Variants in SYNE1 observed in about 807,000 individuals in gnomAD.
SYNE1 encodes nesprin-1.
Under a neutral mutation model 1,111.0 loss-of-function variants are expected in SYNE1, and 616 were observed. That is an observed-to-expected ratio of 0.55 (90% CI 0.52 to 0.59). The LOEUF is 0.59. SYNE1 is among the 20% of genes least tolerant of loss of function. The probability of loss-of-function intolerance (pLI) is 0.00; values close to 1 mark genes in which losing one functional copy is unlikely to be tolerated. For synonymous variants in SYNE1, 3,855 were observed against 3,825.8 expected, an observed-to-expected ratio of 1.01 and a Z score of -0.28; for missense variants, 10,006 against 10,417.0, an observed-to-expected ratio of 0.96 and a Z score of 1.72.
intron 3 of SYNE1, among the ~76,000 whole-genome samples, chr6:152,612,630 TC>T (rs1312165841): frequency 6.6e-6 from 1 of 152,030 alleles, no homozygotes; most frequent in Non-Finnish European, 1.5e-5. Context: ...AAAGAGTGAA[TC>T]CCCCCTAACT....
intron 25 of SYNE1, among the ~76,000 whole-genome samples, chr6:152,452,379 G>A (rs901690015): frequency 1.3e-5 from 2 of 152,114 alleles, no homozygotes; most frequent in Admixed American, 1.3e-4. Context: ...AATATGATAT[G>A]CTTCAAAGAC....
Position 152,213,717 on chromosome 6 carries a change from T to C in SYNE1, c.22389A>G (p.Glu7463=). Residue 7463 remains glutamate (E), a synonymous_variant, in exon 123 of 146, where the codon GAA becomes GAG. Transcript: ENST00000367255. ...GGAATTCCATCCATGTTTCACATTTTTCCAAGAAAGTCTGATGTTGTAGCA... is the reference window on the plus strand; with the variant it reads ...GGAATTCCATCCATGTTTCACATTTCTCCAAGAAAGTCTGATGTTGTAGCA... ...SFLLQHQTFL[E]KCETWMEFLV... 6.2e-7 allele frequency: 1 copy of C among 1,614,162 alleles called. No individual in the cohort carries two copies. The highest frequency in any genetic ancestry group is 1.1e-5 in the South Asian group (1 of 91,086).
chr6:152,141,416 G>A (rs538995859), intron 138 of SYNE1, 87 bp from the exon 139 acceptor site: 1 of 1,567,858 alleles, frequency 6.4e-7, no homozygotes, highest in Non-Finnish European at 8.7e-7. Context: ...TAATTTCTCA[G>A]CAAGAGAAGT....
intron 3 of SYNE1, among the ~76,000 whole-genome samples, chr6:152,592,925 G>C (rs1481916921): frequency 6.6e-6 from 1 of 152,180 alleles, no homozygotes; most frequent in Admixed American, 6.5e-5. Context: ...GCCCTGCAAT[G>C]CAACAGCAGC....
In SYNE1 at chr6:152,637,211, G is replaced by C. The variant is rs1194844433; in HGVS notation, c.-414C>G. On this transcript the variant is annotated 5_prime_UTR_variant, in exon 1 of 146. Coordinates refer to ENST00000367255, the MANE Select transcript of SYNE1 (RefSeq NM_182961.4). ...TACCTCCTGGAGATGCACGGCCTTGGGCGTTTCTCCGCAGCTGCAAAGCTG... is the reference window on the plus strand; with the variant it reads ...TACCTCCTGGAGATGCACGGCCTTGCGCGTTTCTCCGCAGCTGCAAAGCTG... The C allele has an allele frequency of 6.6e-6, 1 of 152,312 alleles. No individual in the cohort carries two copies. The highest frequency in any genetic ancestry group is 1.5e-5 in the Non-Finnish European group (1 of 68,110). The allele number at this position is 152,312 out of a possible 1,614,324, so 9.4% of individuals were successfully genotyped here.
At chr6:152,166,612 T>C (rs1281903545) in intron 130 of SYNE1, among the ~76,000 whole-genome samples, 1 of 151,780 alleles carries the variant, frequency 6.6e-6, no homozygotes, top group Non-Finnish European at 1.5e-5. Flanking sequence ...CAAGTCAGAG[T>C]GGTTAGTATG....
chr6:152,158,498 G>A (rs1471898971), intron 131 of SYNE1, among the ~76,000 whole-genome samples: 1 of 151,782 alleles, frequency 6.6e-6, no homozygotes, highest in Non-Finnish European at 1.5e-5. Flanking sequence ...AATTAATTTT[G>A]GAGATTTTAT....
chr6:152,417,562 A>G (rs2098181705), intron 40 of SYNE1, among the ~76,000 whole-genome samples: 1 of 152,204 alleles, frequency 6.6e-6, no homozygotes, highest in African/African-American at 2.4e-5. Context: ...TAATTCTGTG[A>G]AAAAAATTTC....
chr6:152,385,865 A>C, intron 54 of SYNE1, 27 bp from the exon 55 acceptor site: 1 of 1,612,630 alleles, frequency 6.2e-7, no homozygotes, highest in Non-Finnish European at 8.5e-7. Context: ...AGACTACCTT[A>C]ACAGTGGTCC....
chr6:152,266,590 T>G (rs1254380238), intron 100 of SYNE1, among the ~76,000 whole-genome samples: 1 of 152,184 alleles, frequency 6.6e-6, no homozygotes, highest in Non-Finnish European at 1.5e-5. Context: ...TTTTACAGTT[T>G]TAGGGTTATT....
In SYNE1 at chr6:152,234,808, G is replaced by A. The variant is rs752724360; in HGVS notation, c.20397-8C>T. On this transcript the variant is annotated splice_polypyrimidine_tract_variant and splice_region_variant and intron_variant, in intron 110 of 145. Coordinates refer to ENST00000367255, the MANE Select transcript of SYNE1 (RefSeq NM_182961.4). ...GCAGATTCACTTTGATATCTGTTAA[G>A]TATATTATGGAGTCCATTAAGTAAA... 1.2e-6 allele frequency: 2 copies of A among 1,613,994 alleles called. No homozygotes were observed. The highest frequency in any genetic ancestry group is 2.2e-5 in the East Asian group (1 of 44,874).
intron 17 of SYNE1, 27 bp downstream of exon 17, chr6:152,465,955 T>C (rs2098763986): frequency 6.6e-7 from 1 of 1,517,086 alleles, no homozygotes; most frequent in African/African-American, 1.4e-5. Flanking sequence ...CAGTCTACGT[T>C]GCAACAAATT....
At chr6:152,463,876 C>T (rs1473621956) in intron 18 of SYNE1, among the ~76,000 whole-genome samples, 1 of 152,110 alleles carries the variant, frequency 6.6e-6, no homozygotes, top group Admixed American at 6.6e-5. Flanking sequence ...ATATAAAAGG[C>T]ATAATACATT....
intron 68 of SYNE1, 28 bp downstream of exon 68, chr6:152,353,561 T>G (rs375139595): frequency 7.4e-6 from 12 of 1,614,140 alleles, no homozygotes; most frequent in Non-Finnish European, 1.0e-5. Context: ...TTTGCTGGTC[T>G]ATGCTGAGCA....
chr6:152,155,941 T>C lies in SYNE1; in HGVS notation c.23947A>G (p.Ile7983Val). 1 of 1,614,188 alleles carries C rather than the reference T, an allele frequency of 6.2e-7. No individual in the cohort carries two copies. The highest frequency in any genetic ancestry group is 8.5e-7 in the Non-Finnish European group (1 of 1,180,040). Reference protein sequence around the residue: ...TRNLDRRWRNICAMSMERRLK... With the variant: ...TRNLDRRWRNVCAMSMERRLK... ...CTCCTTTCCATGGACATAGCACAAA[T>C]GTTTCTCCACCGCCGGTCCAGGTTT... The change falls in exon 132 of 146, where the codon ATT becomes GTT. Residue 7983 changes from isoleucine (I) to valine (V), a missense_variant. Around this residue, in one of 7 missense-constraint regions of SYNE1, gnomAD observed 2,182 missense variants for 2,287.8 expected, o/e 0.95. Transcript: ENST00000367255.
Position 152,419,277 on chromosome 6 carries a change from G to A in SYNE1, c.5421+292C>T, listed in dbSNP as rs112225376. Among the ~76,000 whole-genome samples the A allele has an allele frequency of 0.024, 3,699 of 152,204 alleles. 62 individuals carry two copies. Among genetic ancestry groups the A allele is most frequent in the Middle Eastern group, 0.061 (18 of 294 alleles). ...GTTTTGAAATAAAACAAACTGGGAA[G>A]CTTAAAAATGGACATTCTTATCACT... On this transcript the variant is annotated intron_variant, in intron 40 of 145. Coordinates refer to ENST00000367255, the MANE Select transcript of SYNE1 (RefSeq NM_182961.4).
chr6:152,229,811 A>G (rs2082353191), intron 115 of SYNE1, among the ~76,000 whole-genome samples: 1 of 152,234 alleles, frequency 6.6e-6, no homozygotes, highest in Admixed American at 6.5e-5. Context: ...CTTATTTTGA[A>G]TAAGTTAACA....
At chr6:152,530,144 C>T (rs887544485) in intron 4 of SYNE1, among the ~76,000 whole-genome samples, 3 of 152,130 alleles carry the variant, frequency 2.0e-5, no homozygotes, top group African/African-American at 7.2e-5. Context: ...AAGACAGGCC[C>T]GTCTTTGGAA....
chr6:152,612,653 T>C (rs1425005983), intron 3 of SYNE1, among the ~76,000 whole-genome samples: 1 of 152,092 alleles, frequency 6.6e-6, no homozygotes, highest in East Asian at 1.9e-4. Context: ...ATTTTATGAG[T>C]CTGGGATCAT....
Sources: allele counts gnomAD v4.1 joint callset (sites outside exome capture counted in the v4.1 genomes callset), GRCh38; gene constraint gnomAD v4.1.1; regional missense constraint gnomAD v4.1.1; transcripts MANE v1.5; gene names NCBI Gene and HGNC (gene_info 2026-07-23, HGNC 2026-07-21).